Variants in MTMR3 observed in about 807,000 individuals in gnomAD.
MTMR3 encodes myotubularin related protein 3.
MTMR3 carries 32 observed loss-of-function variants against 132.4 expected under a neutral mutation model. The observed-to-expected ratio is 0.24, with a 90% CI of 0.18 to 0.32. The LOEUF is 0.32. Among genes scored for constraint, MTMR3 ranks in the 10% least tolerant of loss-of-function variants. The pLI is 1.00. For synonymous variants in MTMR3, 556 were observed against 550.3 expected (o/e 1.01, Z -0.14); for missense variants, 1,216 against 1,489.6 (o/e 0.82, Z 3.02).
intron 9 of MTMR3, chr22:30,006,042 C>T (rs1016750290): frequency 6.6e-6 from 1 of 152,174 alleles, no homozygotes; most frequent in Admixed American, 6.5e-5. Flanking sequence ...CAATAAGTTG[C>T]CTTTTGTGAC....
intron 7 of MTMR3, chr22:29,996,175 T>C (rs541901930): frequency 2.6e-5 from 4 of 152,362 alleles, no homozygotes; most frequent in African/African-American, 9.6e-5. Context: ...TGTATTGTGT[T>C]GTAAAACATA....
At chr22:29,908,383 T>C (rs1441591056) in intron 1 of MTMR3, among the ~76,000 whole-genome samples, 2 of 152,224 alleles carry the variant, frequency 1.3e-5, no homozygotes, top group Non-Finnish European at 2.9e-5. Context: ...AAGACCAGAA[T>C]CATTTCAGTT....
At chr22:29,916,545 C>T (rs1246419455) in intron 1 of MTMR3, among the ~76,000 whole-genome samples, 1 of 118,730 alleles carries the variant, frequency 8.4e-6, no homozygotes, top group South Asian at 3.4e-4. Context: ...TGCTTGTCTT[C>T]TCTCAGGGAT....
At chr22:29,986,374 G>A (rs1051071571) in intron 5 of MTMR3, 11 of 164,004 alleles carry the variant, frequency 6.7e-5, no homozygotes, top group Non-Finnish European at 8.9e-5. Flanking sequence ...ATAAAAAGCA[G>A]TAAGTGTCTG....
intron 2 of MTMR3, among the ~76,000 whole-genome samples, chr22:29,957,589 T>C (rs911412036): frequency 2.0e-5 from 3 of 152,160 alleles, no homozygotes; most frequent in Admixed American, 6.5e-5. Context: ...TTGCTGGGAC[T>C]ACAGGTGTGT....
Position 29,979,038 on chromosome 22 carries a change from G to C in MTMR3, c.196G>C (p.Glu66Gln), listed in dbSNP as rs765797338. 1.2e-6 allele frequency: 2 copies of C among 1,608,804 alleles called. No homozygotes were observed. Among genetic ancestry groups the C allele is most frequent in the Non-Finnish European group, 8.5e-7 (1 of 1,175,178 alleles). The change falls in exon 5 of 20, where the codon GAG becomes CAG. Residue 66 changes from glutamate to glutamine, a missense_variant. Physicochemically the swap from Glu to Gln is conservative, Grantham distance 29 (BLOSUM62 2). Coordinates refer to ENST00000401950, the MANE Select transcript of MTMR3 (RefSeq NM_021090.4). ...TTACAGACTTCACATCAAGTTCAAG[G>C]AGTCTCTTGTTAATGTAAGTGATTA... ...SNYRLHIKFKESLVNVPLQLI... is the reference protein window; with the variant it reads ...SNYRLHIKFKQSLVNVPLQLI...
intron 1 of MTMR3, among the ~76,000 whole-genome samples, chr22:29,895,680 T>C (rs2064879556): frequency 2.0e-5 from 3 of 152,180 alleles, no homozygotes; most frequent in South Asian, 4.1e-4. Flanking sequence ...CAGTTTTCAG[T>C]GCATCTCATC....
At chr22:29,983,037 G>C (rs2066787241) in intron 5 of MTMR3, 1 of 151,526 alleles carries the variant, frequency 6.6e-6, no homozygotes, top group Non-Finnish European at 1.5e-5. Context: ...CCTGTAAGTA[G>C]TATGAAAATC....
chr22:29,993,226 T>C (rs1050173797), intron 7 of MTMR3: 2 of 152,258 alleles, frequency 1.3e-5, no homozygotes, highest in African/African-American at 4.8e-5. Flanking sequence ...GTGCTTAAAC[T>C]GTCTCTCACT....
At chr22:29,937,574 C>A (rs917647586) in intron 1 of MTMR3, among the ~76,000 whole-genome samples, 1 of 151,992 alleles carries the variant, frequency 6.6e-6, no homozygotes, top group Admixed American at 6.6e-5. Flanking sequence ...CAGGTGCCGC[C>A]GCACCCAAAC....
chr22:30,019,391 T>C, intron 16 of MTMR3, 89 bp from the exon 17 acceptor site: 2 of 1,274,598 alleles, frequency 1.6e-6, no homozygotes, highest in Non-Finnish European at 2.2e-6. Context: ...GACCCAGTTA[T>C]GAAACAACTG....
Position 30,020,325 on chromosome 22 carries a change from T to G in MTMR3, c.2666T>G (p.Leu889Arg). 1 of 1,614,190 alleles carries G rather than the reference T, an allele frequency of 6.2e-7. No homozygotes were observed. Among genetic ancestry groups the G allele is most frequent in the Non-Finnish European group, 8.5e-7 (1 of 1,180,036 alleles). Residue 889 changes from leucine (L) to arginine (R), a missense_variant, in exon 17 of 20, where the codon CTG becomes CGG. Transcript: ENST00000401950. The part of the protein sequence containing the change: ...TMEPSPSETS[L>R]VERPQVGSVV... ...GAACCCAGCCCTTCAGAGACAAGCCTGGTCGAGAGGCCCCAAGTGGGGTCT... is the reference window on the plus strand; with the variant it reads ...GAACCCAGCCCTTCAGAGACAAGCCGGGTCGAGAGGCCCCAAGTGGGGTCT...
intron 1 of MTMR3, among the ~76,000 whole-genome samples, chr22:29,885,553 CAG>C (rs2064657252): frequency 6.6e-6 from 1 of 152,148 alleles, no homozygotes; most frequent in Admixed American, 6.5e-5. Context: ...AGGAAATAAA[CAG>C]AGAAGGAGAG....
At chr22:29,974,595 A>T (rs1186672828) in intron 3 of MTMR3, among the ~76,000 whole-genome samples, 1 of 152,202 alleles carries the variant, frequency 6.6e-6, no homozygotes, top group Non-Finnish European at 1.5e-5. Flanking sequence ...TACTTTGGTG[A>T]TACATATTGG....
intron 1 of MTMR3, among the ~76,000 whole-genome samples, chr22:29,926,184 A>G (rs1051945712): frequency 6.6e-6 from 1 of 152,096 alleles, no homozygotes; most frequent in African/African-American, 2.4e-5. Context: ...GCATGAAAGC[A>G]TTTTCATTTT....
In MTMR3 at chr22:29,928,755, T is replaced by C. The variant is rs572302796; in HGVS notation, c.-137-28281T>C. 2.0e-5 allele frequency among the ~76,000 whole-genome samples: 3 copies of C among 152,126 alleles called. No homozygotes were observed. The South Asian group carries it at 6.2e-4, about 32-fold the overall frequency. ...ATCCTGAACTCCTGGGCTCAAGTGA[T>C]CCACCCTCCTTGGCCACCCAAAGTG... On this transcript the variant is annotated intron_variant, in intron 1 of 19. Transcript: ENST00000401950.
chr22:30,028,482 C>T lies in MTMR3; in HGVS notation c.*2681C>T, dbSNP rs755380449. 1.3e-5 allele frequency: 2 copies of T among 152,348 alleles called. No homozygotes were observed. Among genetic ancestry groups the T allele is most frequent in the Non-Finnish European group, 2.9e-5 (2 of 68,032 alleles). The allele number at this position is 152,348 out of a possible 1,614,324, so 9.4% of individuals were successfully genotyped here. The stretch of plus-strand genomic sequence containing the variant: ...CTTCAATACTAGTTCTTGCTCTTCA[C>T]AGAGGTAGATTTTTCTTTACCCTAC... On this transcript the variant is annotated 3_prime_UTR_variant, in exon 20 of 20. Transcript: ENST00000401950.
At chr22:29,884,218 G>A (rs143635924) in intron 1 of MTMR3, among the ~76,000 whole-genome samples, 142 of 152,158 alleles carry the variant, frequency 9.3e-4, no homozygotes, top group African/African-American at 3.3e-3. Context: ...TCTTACTGTT[G>A]TAGTATCTTG....
intron 1 of MTMR3, among the ~76,000 whole-genome samples, chr22:29,920,975 G>GGGT (rs1181884360): frequency 6.7e-6 from 1 of 148,550 alleles, no homozygotes; most frequent in Non-Finnish European, 1.5e-5. Context: ...TTTTTTTAGG[G>GGGT]GGTGGTGGGG....
Sources: allele counts gnomAD v4.1 joint callset (sites outside exome capture counted in the v4.1 genomes callset), GRCh38; gene constraint gnomAD v4.1.1; transcripts MANE v1.5; gene names NCBI Gene and HGNC (gene_info 2026-07-23, HGNC 2026-07-21).